The following FGF12 variants were observed in gnomAD, a reference collection of about 807,000 sequenced individuals.
FGF12 encodes the protein fibroblast growth factor 12, also known as fibroblast growth factor 12B.
In FGF12, 14 loss-of-function variants were observed where a neutral mutation model predicts 23.6. The observed-to-expected ratio is 0.59, with a 90% CI of 0.39 to 0.93. The LOEUF (loss-of-function observed/expected upper bound fraction) is 0.93, where lower values mean the gene tolerates loss of function less well. FGF12 is among the 40% of genes least tolerant of loss of function. The pLI is 0.00. For synonymous variants in FGF12, 62 were observed against 77.3 expected (o/e 0.80, Z 1.04); for missense variants, 175 against 217.8 (o/e 0.80, Z 1.24).
At chr3:192,236,922 T>C (rs1307095703) in intron 4 of FGF12, among the ~76,000 whole-genome samples, 1 of 152,186 alleles carries the variant, frequency 6.6e-6, no homozygotes, top group Non-Finnish European at 1.5e-5. Flanking sequence ...AGTTACTTTA[T>C]AGTGTCAGTG....
At chr3:192,725,771 T>C (rs1719193211) in intron 2 of FGF12, among the ~76,000 whole-genome samples, 1 of 152,072 alleles carries the variant, frequency 6.6e-6, no homozygotes, top group Admixed American at 6.5e-5. Context: ...GTTAACCTTA[T>C]GTCCCAGAAA....
chr3:192,507,530 A>G (rs927073463), intron 2 of FGF12, among the ~76,000 whole-genome samples: 3 of 152,132 alleles, frequency 2.0e-5, no homozygotes, highest in African/African-American at 7.2e-5. Context: ...GAGGAATGCT[A>G]TCTTACTTTA....
At chr3:192,289,709 C>T (rs992930922) in intron 4 of FGF12, among the ~76,000 whole-genome samples, 2 of 152,070 alleles carry the variant, frequency 1.3e-5, no homozygotes, top group Non-Finnish European at 2.9e-5. Flanking sequence ...AGAGGAACAA[C>T]ATCAAATTTC....
chr3:192,193,986 A>G (rs1040556899), intron 4 of FGF12, among the ~76,000 whole-genome samples: 2 of 152,206 alleles, frequency 1.3e-5, no homozygotes, highest in Admixed American at 6.5e-5. Flanking sequence ...TAGAAAAAAT[A>G]AAAGCAATAT....
intron 4 of FGF12, among the ~76,000 whole-genome samples, chr3:192,171,892 C>A (rs1715585839): frequency 6.6e-6 from 1 of 150,948 alleles, no homozygotes; most frequent in African/African-American, 2.4e-5. Context: ...CTCTCTCTTT[C>A]TCTCCCTCTC....
intron 2 of FGF12, among the ~76,000 whole-genome samples, chr3:192,406,125 A>G (rs1181620712): frequency 1.3e-5 from 2 of 152,142 alleles, no homozygotes; most frequent in Admixed American, 1.3e-4. Context: ...AACTGCCTCA[A>G]ATCTCTGTTT....
chr3:192,351,896 G>A (rs906998474), intron 3 of FGF12, among the ~76,000 whole-genome samples: 1 of 152,104 alleles, frequency 6.6e-6, no homozygotes, highest in East Asian at 1.9e-4. Context: ...AGTTGAGGAG[G>A]GTTTTGAAGG....
chr3:192,714,727 C>T (rs1346803840), intron 2 of FGF12, among the ~76,000 whole-genome samples: 1 of 151,918 alleles, frequency 6.6e-6, no homozygotes, highest in Non-Finnish European at 1.5e-5. Context: ...ATCGTTTTAG[C>T]CGGGATGGTC....
At chr3:192,685,763 T>C (rs2108713220) in intron 2 of FGF12, among the ~76,000 whole-genome samples, 1 of 152,342 alleles carries the variant, frequency 6.6e-6, no homozygotes, top group South Asian at 2.1e-4. Flanking sequence ...TCCAAATCTT[T>C]CCTATCTATT....
At chr3:192,160,940 C>T (rs567056197) in intron 5 of FGF12, among the ~76,000 whole-genome samples, 2 of 151,966 alleles carry the variant, frequency 1.3e-5, no homozygotes, top group Admixed American at 6.6e-5. Context: ...GAATACTATA[C>T]GGTAGACAAT....
chr3:192,268,370 G>A (rs949563000), intron 4 of FGF12, among the ~76,000 whole-genome samples: 1 of 152,158 alleles, frequency 6.6e-6, no homozygotes, highest in African/African-American at 2.4e-5. Flanking sequence ...TGGAATAAGA[G>A]GTCATGTGGG....
At chr3:192,590,978 C>G (rs748245401) in intron 2 of FGF12, among the ~76,000 whole-genome samples, 2 of 151,756 alleles carry the variant, frequency 1.3e-5, no homozygotes, top group Non-Finnish European at 2.9e-5. Flanking sequence ...ATGCATATCA[C>G]TTTCTAACAA....
Position 192,360,898 on chromosome 3 carries a change from C to A in FGF12, c.14-360G>T, listed in dbSNP as rs1194493388. 6.6e-6 allele frequency among the ~76,000 whole-genome samples: 1 copy of A among 152,036 alleles called. No homozygotes were observed. Among genetic ancestry groups the A allele is most frequent in the Non-Finnish European group, 1.5e-5 (1 of 68,010 alleles). On this transcript the variant is annotated intron_variant, in intron 2 of 5. Transcript: ENST00000445105. The surrounding 1 kb of genome is among the most constrained non-coding windows in gnomAD (Gnocchi z 4.3). ...CAGAATTATTGTTTAGGCCAAAATG[C>A]CTCTGTAATTTCTAAGTTTCTAGTA...
intron 2 of FGF12, among the ~76,000 whole-genome samples, chr3:192,448,276 G>A (rs1357983714): frequency 6.6e-6 from 1 of 152,144 alleles, no homozygotes; most frequent in Non-Finnish European, 1.5e-5. Context: ...ATCTACCAAG[G>A]ATGTGGAAAA....
At chr3:192,653,396 T>C (rs2366851) in intron 2 of FGF12, among the ~76,000 whole-genome samples, 86,685 of 151,898 alleles carry the variant, frequency 0.57, 25,150 homozygotes, top group East Asian at 0.67. Context: ...TTTGGTTTCT[T>C]CCTGGAATGC....
chr3:192,521,518 T>C (rs1437650042), intron 2 of FGF12: 1 of 152,164 alleles, frequency 6.6e-6, no homozygotes, highest in Non-Finnish European at 1.5e-5. Flanking sequence ...CTTATGAATG[T>C]CAAGGAAAAA....
At chr3:192,445,228 T>C (rs1280037657) in intron 2 of FGF12, among the ~76,000 whole-genome samples, 3 of 152,204 alleles carry the variant, frequency 2.0e-5, no homozygotes, top group South Asian at 2.1e-4. Flanking sequence ...CTATACTTTT[T>C]TGTTGTAAGT....
intron 2 of FGF12, among the ~76,000 whole-genome samples, chr3:192,596,094 A>ACATAT (rs1713829904): frequency 1.0e-5 from 1 of 99,478 alleles, no homozygotes; most frequent in African/African-American, 3.8e-5. Flanking sequence ...CCTGACTCAA[A>ACATAT]AATATAATAT....
intron 4 of FGF12, among the ~76,000 whole-genome samples, chr3:192,260,580 A>C (rs1560040046): frequency 6.6e-6 from 1 of 152,196 alleles, no homozygotes; most frequent in Non-Finnish European, 1.5e-5. Context: ...GTGGGAGAAC[A>C]TATTCCATTA....
Sources: allele counts gnomAD v4.1 joint callset (sites outside exome capture counted in the v4.1 genomes callset), GRCh38; gene constraint gnomAD v4.1.1; non-coding constraint Gnocchi (gnomAD v3.1); transcripts MANE v1.5; gene names NCBI Gene and HGNC (gene_info 2026-07-23, HGNC 2026-07-21).